Variants in STON1 observed in about 807,000 individuals in gnomAD.
STON1 encodes the protein stonin-1.
In STON1, 79 loss-of-function variants were observed where a neutral mutation model predicts 60.9. The observed-to-expected ratio is 1.30, with a 90% CI of 1.08 to 1.56. The LOEUF is 1.56. STON1 is among the 40% of genes most tolerant of loss of function. The pLI is 0.00. For missense variants in STON1, 1,166 were observed against 858.9 expected (o/e 1.36, Z -4.47); for synonymous variants, 363 against 306.9 (o/e 1.18, Z -1.91).
At position 48,564,420 on chromosome 2, in the gene STON1, T is replaced by G. The variant is rs561421749; in HGVS notation, c.-47-16167T>G. Among the ~76,000 whole-genome samples, 37 of 40,454 alleles carry G rather than the reference T, an allele frequency of 9.1e-4. 1 individual carries two copies. The highest frequency in any genetic ancestry group is 3.2e-3 in the African/African-American group (37 of 11,600). 26.5% of individuals were successfully genotyped at this position (40,454 alleles called of 152,430 possible). On this transcript the variant is annotated intron_variant, in intron 1 of 3. Transcript: ENST00000404752. Reference sequence around the variant, plus strand: ...CAGTGGCGGTGTCTTCTTCTTCTTCTTCTTCTTCTTCTTCTTCTTCTTCTT... The same window carrying G: ...CAGTGGCGGTGTCTTCTTCTTCTTCGTCTTCTTCTTCTTCTTCTTCTTCTT...
At chr2:48,563,389 G>C (rs981758060) in intron 1 of STON1, among the ~76,000 whole-genome samples, 1 of 152,216 alleles carries the variant, frequency 6.6e-6, no homozygotes, top group African/African-American at 2.4e-5. Context: ...TTGGTCTGCT[G>C]TCTTGGAAAG....
chr2:48,579,806 T>C (rs1434325638), intron 1 of STON1, among the ~76,000 whole-genome samples: 1 of 152,220 alleles, frequency 6.6e-6, no homozygotes. Context: ...GTTGAAAGTA[T>C]GGTGTTGAAA....
chr2:48,562,086 C>G (rs951499653), intron 1 of STON1, among the ~76,000 whole-genome samples: 2 of 152,184 alleles, frequency 1.3e-5, no homozygotes, highest in Non-Finnish European at 2.9e-5. Context: ...GTCTCTAACT[C>G]CTGACCTTAA....
intron 1 of STON1, among the ~76,000 whole-genome samples, chr2:48,549,110 T>C (rs1214140172): frequency 6.6e-6 from 1 of 152,184 alleles, no homozygotes; most frequent in Non-Finnish European, 1.5e-5. Context: ...CAGCAAGCTG[T>C]TTTCCCTCTG....
At chr2:48,571,968 G>A (rs182051751) in intron 1 of STON1, among the ~76,000 whole-genome samples, 1 of 152,166 alleles carries the variant, frequency 6.6e-6, no homozygotes, top group African/African-American at 2.4e-5. Flanking sequence ...TTCGAGACCA[G>A]CCTGGCCAAC....
At chr2:48,579,392 C>T (rs2103906685) in intron 1 of STON1, among the ~76,000 whole-genome samples, 1 of 152,194 alleles carries the variant, frequency 6.6e-6, no homozygotes, top group South Asian at 2.1e-4. Flanking sequence ...ATAAAGTTCC[C>T]TGTGAGTACT....
chr2:48,589,405 T>G (rs1194862281), intron 2 of STON1, among the ~76,000 whole-genome samples: 1 of 152,234 alleles, frequency 6.6e-6, no homozygotes, highest in Non-Finnish European at 1.5e-5. Flanking sequence ...TTCCTCTATC[T>G]TTTATTCATT....
chr2:48,576,215 C>CA (rs1374017757), intron 1 of STON1, among the ~76,000 whole-genome samples: 3 of 60,094 alleles, frequency 5.0e-5, no homozygotes, highest in African/African-American at 2.0e-4. Context: ...TTTTTTGAGA[C>CA]AGAGTCTCAC....
rs772346010 is a variant in STON1, at chr2:48,580,604, T to G, written c.-30T>G. On this transcript the variant is annotated 5_prime_UTR_variant, in exon 2 of 4. Coordinates refer to ENST00000404752, the MANE Select transcript of STON1 (RefSeq NM_006873.4). ...TTTAACAGAGTCAACCTATTTGATT[T>G]CTTGACAAGACCACAATCTGATCCC... is the stretch of plus-strand genomic sequence containing the variant. The G allele has an allele frequency of 1.3e-5, 17 of 1,323,708 alleles. No individual in the cohort carries two copies. Among genetic ancestry groups the G allele is most frequent in the Non-Finnish European group, 1.7e-5 (17 of 1,028,388 alleles). The allele number at this position is 1,323,708 out of a possible 1,614,324, so 82.0% of individuals were successfully genotyped here.
intron 1 of STON1, among the ~76,000 whole-genome samples, chr2:48,546,660 T>C (rs1671876895): frequency 6.6e-6 from 1 of 152,268 alleles, no homozygotes; most frequent in Non-Finnish European, 1.5e-5. Context: ...GATGTGTTTT[T>C]ACTTGCAGCA....
At position 48,544,311 on chromosome 2, in the gene STON1, C is replaced by G. The variant is rs1671776230; in HGVS notation, c.-48+14095C>G. Among the ~76,000 whole-genome samples the G allele has an allele frequency of 2.6e-5, 4 of 152,114 alleles. 1 individual carries two copies. The highest frequency in any genetic ancestry group is 4.4e-5 in the Non-Finnish European group (3 of 68,028). On this transcript the variant is annotated intron_variant, in intron 1 of 3. Coordinates refer to ENST00000404752, the MANE Select transcript of STON1 (RefSeq NM_006873.4). ...TGCCTTCATGTAAATATCTGTGGCT[C>G]AGAGCACAAAAATAGCTTTTCCATT...
intron 1 of STON1, among the ~76,000 whole-genome samples, chr2:48,577,362 C>T (rs1673574711): frequency 6.6e-6 from 1 of 151,948 alleles, no homozygotes; most frequent in Non-Finnish European, 1.5e-5. Context: ...GTGGGCAGAT[C>T]ACGAGGTCGG....
intron 1 of STON1, among the ~76,000 whole-genome samples, chr2:48,532,456 C>G (rs922314327): frequency 7.0e-6 from 1 of 143,610 alleles, no homozygotes; most frequent in Non-Finnish European, 1.5e-5. Flanking sequence ...AAAAAAACAA[C>G]AAAAGTAAGT....
At chr2:48,578,645 A>G (rs1035535220) in intron 1 of STON1, among the ~76,000 whole-genome samples, 4 of 124,336 alleles carry the variant, frequency 3.2e-5, no homozygotes, top group African/African-American at 9.3e-5. Flanking sequence ...CTGGAGTGCA[A>G]TGGTGCAATC....
intron 1 of STON1, among the ~76,000 whole-genome samples, chr2:48,568,159 T>A (rs1324481379): frequency 6.6e-6 from 1 of 152,156 alleles, no homozygotes; most frequent in East Asian, 1.9e-4. Context: ...ACCAGGAGGC[T>A]ACTGAGAGGT....
At chr2:48,554,364 G>C (rs1672222317) in intron 1 of STON1, among the ~76,000 whole-genome samples, 1 of 152,176 alleles carries the variant, frequency 6.6e-6, no homozygotes, top group Non-Finnish European at 1.5e-5. Context: ...TGGGATTACA[G>C]GCGTGCACCA....
At chr2:48,554,707 A>ATTTTTTTTTT (rs11475306) in intron 1 of STON1, among the ~76,000 whole-genome samples, 1 of 88,796 alleles carries the variant, frequency 1.1e-5, no homozygotes, top group Non-Finnish European at 2.3e-5. Context: ...TAAGTGCAAA[A>ATTTTTTTTTT]TTTTTTTTTT....
intron 2 of STON1, among the ~76,000 whole-genome samples, chr2:48,583,348 C>A (rs775283574): frequency 2.6e-5 from 4 of 152,178 alleles, no homozygotes; most frequent in Non-Finnish European, 5.9e-5. Flanking sequence ...ATTGGCCTCC[C>A]AAAATGCTAG....
intron 1 of STON1, among the ~76,000 whole-genome samples, chr2:48,549,792 G>A (rs1454672420): frequency 3.1e-5 from 4 of 127,044 alleles, no homozygotes; most frequent in African/African-American, 6.2e-5. Context: ...CAGCCCGGAC[G>A]ACAGAGTGAC....
Sources: allele counts gnomAD v4.1 joint callset (sites outside exome capture counted in the v4.1 genomes callset), GRCh38; gene constraint gnomAD v4.1.1; transcripts MANE v1.5; gene names NCBI Gene and HGNC (gene_info 2026-07-23, HGNC 2026-07-21).